The following SERINC5 variants were observed in gnomAD, a reference collection of about 807,000 sequenced individuals.
SERINC5 encodes chromosome 5 open reading frame 12.
In SERINC5, 41 loss-of-function variants were observed where a neutral mutation model predicts 63.1. The ratio of observed to expected loss-of-function variants is 0.65; its 90% CI spans 0.51 to 0.84. The LOEUF (loss-of-function observed/expected upper bound fraction) is 0.84, where lower values mean the gene tolerates loss of function less well. SERINC5 is among the 40% of genes least tolerant of loss of function. The pLI is 0.00. For synonymous variants in SERINC5, 222 were observed against 215.2 expected, an observed-to-expected ratio of 1.03 and a Z score of -0.28; for missense variants, 523 against 573.0, an observed-to-expected ratio of 0.91 and a Z score of 0.89.
downstream of SERINC5, among the ~76,000 whole-genome samples, chr5:80,133,921 C>G (rs1745048841): frequency 1.3e-5 from 2 of 152,204 alleles, no homozygotes; most frequent in Admixed American, 1.3e-4. Context: ...GGTGCTGAGT[C>G]AGTTCCTGGG....
At chr5:80,247,877 T>C (rs1752231760) in intron 1 of SERINC5, among the ~76,000 whole-genome samples, 3 of 152,172 alleles carry the variant, frequency 2.0e-5, no homozygotes, top group Non-Finnish European at 4.4e-5. Context: ...AGACAGGGTC[T>C]CACTCTGTCA....
At chr5:80,199,196 T>TAG (rs1254255093) in intron 2 of SERINC5, among the ~76,000 whole-genome samples, 5 of 152,152 alleles carry the variant, frequency 3.3e-5, no homozygotes, top group African/African-American at 1.2e-4. Context: ...TCCTCTCTAG[T>TAG]CACACAGCCT....
intron 2 of SERINC5, among the ~76,000 whole-genome samples, chr5:80,184,670 A>G (rs1748688977): frequency 6.6e-6 from 1 of 152,190 alleles, no homozygotes; most frequent in African/African-American, 2.4e-5. Flanking sequence ...TCCAAGGTGA[A>G]CAAGCTAGCA....
At chr5:80,234,330 T>C (rs971736362) in intron 1 of SERINC5, among the ~76,000 whole-genome samples, 2 of 152,202 alleles carry the variant, frequency 1.3e-5, no homozygotes, top group African/African-American at 4.8e-5. Context: ...TCCAGTTCCA[T>C]TCACCTCACT....
At chr5:80,147,407 C>T in intron 9 of SERINC5, 123 bp from the exon 10 acceptor site, 6 of 989,844 alleles carry the variant, frequency 6.1e-6, no homozygotes, top group Non-Finnish European at 9.1e-6. Context: ...ACTGTTCTTT[C>T]CCAGGTGTGC....
At chr5:80,254,191 T>C (rs146068395) in intron 1 of SERINC5, among the ~76,000 whole-genome samples, 1,893 of 152,152 alleles carry the variant, frequency 0.012, 41 homozygotes, top group African/African-American at 0.043. Flanking sequence ...CCCAAAGTGC[T>C]GGGATTACAG....
chr5:80,226,635 T>C (rs1386515501), intron 1 of SERINC5, among the ~76,000 whole-genome samples: 2 of 152,198 alleles, frequency 1.3e-5, no homozygotes, highest in African/African-American at 4.8e-5. Flanking sequence ...CCCAATGCTT[T>C]CTGCGAGAAC....
intron 2 of SERINC5, among the ~76,000 whole-genome samples, chr5:80,181,452 G>GTGTGTGTGTGTGT: frequency 7.4e-6 from 1 of 135,816 alleles, no homozygotes; most frequent in Admixed American, 7.3e-5. Flanking sequence ...GTGTACAGTT[G>GTGTGTGTGTGTGT]GTGTTTCACC....
At chr5:80,154,870 G>A (rs552133230) in intron 8 of SERINC5, among the ~76,000 whole-genome samples, 26 of 152,228 alleles carry the variant, frequency 1.7e-4, no homozygotes, top group Non-Finnish European at 2.9e-4. Context: ...ACTTTATAGT[G>A]CAAATGCCTT....
At position 80,166,416 on chromosome 5, in the gene SERINC5, A is replaced by G; in HGVS notation, c.826T>C (p.Phe276Leu). The change falls in exon 7 of 12, where the codon TTC becomes CTC. Residue 276 changes from phenylalanine (F) to leucine (L), a missense_variant. Coordinates refer to ENST00000507668, the MANE Select transcript of SERINC5 (RefSeq NM_001174072.3). ...GCAGGTTTGCTGGACAGAGCTGAGAAGGTGAGGTAGGTGACATAGCAGCTT... is the reference window on the plus strand; with the variant it reads ...GCAGGTTTGCTGGACAGAGCTGAGAGGGTGAGGTAGGTGACATAGCAGCTT... ...VISCYVTYLT[F>L]SALSSKPAEV... is the part of the protein sequence containing the mutation. 1 of 1,594,052 alleles carries G rather than the reference A, an allele frequency of 6.3e-7. No individual in the cohort carries two copies. The highest frequency in any genetic ancestry group is 8.5e-7 in the Non-Finnish European group (1 of 1,170,210).
intron 2 of SERINC5, 113 bp from the exon 3 acceptor site, chr5:80,178,177 A>G: frequency 1.7e-6 from 1 of 595,454 alleles, no homozygotes. Context: ...TCGTGTGCAT[A>G]AAGAAACAGA....
Position 80,142,910 on chromosome 5 carries a change from T to C in SERINC5, c.*753A>G, listed in dbSNP as rs1415518371. On this transcript the variant is annotated 3_prime_UTR_variant, in exon 12 of 12. Coordinates refer to ENST00000507668, the MANE Select transcript of SERINC5 (RefSeq NM_001174072.3). ...ACACCATAAATAAGCGCCGTACTTA[T>C]TGCAGTAACTCGGATCAGGTAGTGA... 4.8e-5 allele frequency: 47 copies of C among 985,334 alleles called. No homozygotes were observed. Among genetic ancestry groups the C allele is most frequent in the Non-Finnish European group, 5.5e-5 (46 of 829,936 alleles). The allele number at this position is 985,334 out of a possible 1,614,324, so 61.0% of individuals were successfully genotyped here.
intron 8 of SERINC5, among the ~76,000 whole-genome samples, chr5:80,154,784 G>C (rs532344738): frequency 1.3e-5 from 2 of 152,194 alleles, no homozygotes; most frequent in South Asian, 4.1e-4. Context: ...ATATTTAAAA[G>C]GATATTTTCA....
At chr5:80,238,491 A>G (rs1020264370) in intron 1 of SERINC5, among the ~76,000 whole-genome samples, 1 of 152,090 alleles carries the variant, frequency 6.6e-6, no homozygotes, top group Non-Finnish European at 1.5e-5. Flanking sequence ...ACAGTATAAA[A>G]CCCCAATCCA....
At chr5:80,136,177 G>C (rs1745162796), downstream of SERINC5, among the ~76,000 whole-genome samples, 1 of 152,098 alleles carries the variant, frequency 6.6e-6, no homozygotes, top group South Asian at 2.1e-4. Context: ...CAAGCCCTCG[G>C]GAGGCTGGGG....
intron 1 of SERINC5, among the ~76,000 whole-genome samples, chr5:80,222,791 C>G (rs1453626352): frequency 6.6e-6 from 1 of 152,006 alleles, no homozygotes; most frequent in Non-Finnish European, 1.5e-5. Flanking sequence ...CCAGGCTGGT[C>G]TCGAACTCCT....
intron 11 of SERINC5, among the ~76,000 whole-genome samples, chr5:80,131,323 G>A (rs1340057538): frequency 2.6e-5 from 4 of 152,098 alleles, no homozygotes; most frequent in Admixed American, 6.6e-5. Context: ...CTCCTCATTC[G>A]CCTTCAGCTA....
intron 1 of SERINC5, among the ~76,000 whole-genome samples, chr5:80,226,047 A>AAC (rs1285107497): frequency 2.0e-5 from 3 of 150,066 alleles, no homozygotes; most frequent in African/African-American, 7.4e-5. Context: ...CCAAAGGAAA[A>AAC]AAAAAAACCA....
intron 1 of SERINC5, among the ~76,000 whole-genome samples, chr5:80,208,867 T>A (rs369404479): frequency 6.6e-6 from 1 of 152,220 alleles, no homozygotes; most frequent in African/African-American, 2.4e-5. Flanking sequence ...TATTTGTTAA[T>A]ACGTCAGGTG....
Sources: gnomAD v4.1 joint callset for allele counts (sites outside exome capture counted in the v4.1 genomes callset) on GRCh38, gnomAD v4.1.1 for gene constraint, MANE v1.5 for transcripts, NCBI Gene and HGNC (gene_info 2026-07-23, HGNC 2026-07-21) for gene names.